CCDC80: variants seen among roughly 807,000 people sequenced by gnomAD.
CCDC80 encodes the protein coiled-coil domain-containing protein 80.
Under a neutral mutation model 78.7 loss-of-function variants are expected in CCDC80, and 49 were observed. The observed-to-expected ratio is 0.62, with a 90% CI of 0.50 to 0.79. The LOEUF (loss-of-function observed/expected upper bound fraction) is 0.79, where lower values mean the gene tolerates loss of function less well. Among genes scored for constraint, CCDC80 ranks in the 30% least tolerant of loss-of-function variants. CCDC80 has a pLI of 0.00. For synonymous variants in CCDC80, 488 were observed against 447.0 expected (o/e 1.09, Z -1.16); for missense variants, 1,205 against 1,198.6 (o/e 1.01, Z -0.08).
Position 112,638,119 on chromosome 3 carries a change from T to C in CCDC80, c.1787A>G (p.Tyr596Cys). 6.2e-7 allele frequency: 1 copy of C among 1,614,210 alleles called. No individual in the cohort carries two copies. Among genetic ancestry groups the C allele is most frequent in the Non-Finnish European group, 8.5e-7 (1 of 1,180,032 alleles). Residue 596 changes from tyrosine to cysteine, a missense_variant, in exon 2 of 8, where the codon TAT (tyrosine) becomes TGT (cysteine). By Grantham distance (194) the Tyr-to-Cys change is radical. Transcript: ENST00000206423. ...KKGGKTEQDG[Y>C]QKPTNKHFTQ... The stretch of plus-strand genomic sequence containing the variant: ...GAAGTGTTTGTTGGTGGGTTTCTGA[T>C]AGCCATCCTGTTCTGTTTTACCTCC...
Position 112,638,825 on chromosome 3 carries a change from C to T in CCDC80, c.1081G>A (p.Val361Met). 1 of 1,613,748 alleles carries T rather than the reference C, an allele frequency of 6.2e-7. No individual in the cohort carries two copies. The highest frequency in any genetic ancestry group is 8.5e-7 in the Non-Finnish European group (1 of 1,179,974). Residue 361 changes from valine (V) to methionine (M), a missense_variant, in exon 2 of 8, where the codon GTG becomes ATG. Val to Met is a conservative substitution (Grantham distance 21, BLOSUM62 1). Transcript: ENST00000206423. ...TTLPPAPATT[V>M]TRSTSRAVTV... ...ACCGCCCGGGACGTGGACCGAGTCA[C>T]TGTTGTGGCTGGGGCAGGAGGAAGG...
At chr3:112,619,128 G>C in intron 3 of CCDC80, 24 bp from the exon 4 acceptor site, 1 of 1,538,552 alleles carries the variant, frequency 6.5e-7, no homozygotes, top group Non-Finnish European at 8.7e-7. Flanking sequence ...AAATGTGAAT[G>C]AATATGGGTG....
chr3:112,605,796 G>A, intron 7 of CCDC80, 33 bp from the exon 8 acceptor site: 10 of 1,548,970 alleles, frequency 6.5e-6, no homozygotes, highest in Non-Finnish European at 8.8e-6. Context: ...ATTGTTAGTA[G>A]ATTAAACAGT....
chr3:112,614,584 G>A (rs1281585896), intron 5 of CCDC80, among the ~76,000 whole-genome samples: 1 of 151,776 alleles, frequency 6.6e-6, no homozygotes, highest in Admixed American at 6.6e-5. Context: ...CCCTACGGCT[G>A]AGTTGATTTT....
chr3:112,618,116 AG>A (rs1307731097), intron 4 of CCDC80, among the ~76,000 whole-genome samples: 44 of 152,228 alleles, frequency 2.9e-4, no homozygotes, highest in African/African-American at 1.1e-3. Context: ...GCCAGGCATA[AG>A]GAAAGCACTT....
intron 2 of CCDC80, among the ~76,000 whole-genome samples, chr3:112,634,744 C>T (rs1936171062): frequency 6.6e-6 from 1 of 152,080 alleles, no homozygotes; most frequent in Non-Finnish European, 1.5e-5. Flanking sequence ...AAGATCATTC[C>T]TCAGTTTCCC....
chr3:112,613,760 G>A (rs1406147384), intron 5 of CCDC80, among the ~76,000 whole-genome samples: 2 of 152,036 alleles, frequency 1.3e-5, no homozygotes, highest in African/African-American at 4.8e-5. Context: ...GGCAACCTGA[G>A]TTTACTGGGA....
chr3:112,617,452 A>G (rs1417769014), intron 4 of CCDC80, among the ~76,000 whole-genome samples: 1 of 152,212 alleles, frequency 6.6e-6, no homozygotes, highest in Admixed American at 6.5e-5. Flanking sequence ...CCTGAGATGG[A>G]TTTAGGGGCT....
rs1250541465 is a variant in CCDC80, at chr3:112,638,019, G to A, written c.1878+9C>T. 5.0e-6 allele frequency: 8 copies of A among 1,584,606 alleles called. No homozygotes were observed. The highest frequency in any genetic ancestry group is 6.8e-6 in the Non-Finnish European group (8 of 1,170,392). On this transcript the variant is annotated intron_variant, in intron 2 of 7. Coordinates refer to ENST00000206423, the MANE Select transcript of CCDC80 (RefSeq NM_199511.3). ...CCCATAGAAGAATGCCAAGGAGAAGGCTACTTACAAGGAGTCTTCGTTTGC... is the reference window on the plus strand; with the variant it reads ...CCCATAGAAGAATGCCAAGGAGAAGACTACTTACAAGGAGTCTTCGTTTGC...
intron 3 of CCDC80, among the ~76,000 whole-genome samples, chr3:112,619,875 A>G (rs16859847): frequency 0.68 from 102,688 of 152,096 alleles, 37,972 homozygotes; most frequent in Non-Finnish European, 0.83. Context: ...GCATTTTAAC[A>G]TTTTCAAGGA....
At chr3:112,635,896 C>G (rs1288205750) in intron 2 of CCDC80, among the ~76,000 whole-genome samples, 1 of 152,146 alleles carries the variant, frequency 6.6e-6, no homozygotes, top group Non-Finnish European at 1.5e-5. Context: ...ACATCTCCCA[C>G]TAAGGGAGTG....
chr3:112,621,085 TC>T (rs1348777390), intron 3 of CCDC80, among the ~76,000 whole-genome samples: 1 of 151,880 alleles, frequency 6.6e-6, no homozygotes, highest in Admixed American at 6.6e-5. Context: ...CACCAATTCT[TC>T]CCCCCTCCCT....
chr3:112,633,909 CT>C (rs1384284939), intron 2 of CCDC80, among the ~76,000 whole-genome samples: 2 of 152,226 alleles, frequency 1.3e-5, no homozygotes, highest in African/African-American at 4.8e-5. Context: ...CACTTGGCCT[CT>C]TTCCAGTTTG....
chr3:112,617,058 C>T (rs1329839503), intron 4 of CCDC80, among the ~76,000 whole-genome samples, 200 bp from the exon 5 acceptor site: 1 of 152,188 alleles, frequency 6.6e-6, no homozygotes, highest in Non-Finnish European at 1.5e-5. Flanking sequence ...CATAAAACAA[C>T]TGCCTCTTTT....
chr3:112,637,973 CG>C, intron 2 of CCDC80, 54 bp downstream of exon 2: 2 of 1,542,344 alleles, frequency 1.3e-6, no homozygotes, highest in South Asian at 2.6e-5. Flanking sequence ...ACAAGACAGA[CG>C]TTAACATGCC....
chr3:112,640,186 T>G (rs1229801116), intron 1 of CCDC80, 141 bp downstream of exon 1: 1 of 438,688 alleles, frequency 2.3e-6, no homozygotes, highest in Non-Finnish European at 4.0e-6. Context: ...ATGCTTGTAC[T>G]GTTTCAACTA....
chr3:112,628,263 G>A (rs539343866), intron 3 of CCDC80, among the ~76,000 whole-genome samples: 1 of 152,220 alleles, frequency 6.6e-6, no homozygotes, highest in Admixed American at 6.5e-5. Flanking sequence ...CAATAAATAC[G>A]TGGCTTTGTA....
At chr3:112,610,595 G>C (rs959073693) in intron 5 of CCDC80, among the ~76,000 whole-genome samples, 1 of 152,162 alleles carries the variant, frequency 6.6e-6, no homozygotes, top group Non-Finnish European at 1.5e-5. Flanking sequence ...TGGTTTAAAG[G>C]TTCAAAGAGG....
chr3:112,639,828 A>G lies in CCDC80; in HGVS notation c.78T>C (p.His26=), dbSNP rs1278717761. The G allele has an allele frequency of 6.2e-7, 1 of 1,614,118 alleles. No homozygotes were observed. Among genetic ancestry groups the G allele is most frequent in the Non-Finnish European group, 8.5e-7 (1 of 1,180,020 alleles). Residue 26 remains histidine, a synonymous_variant, in exon 2 of 8, where the codon CAT becomes CAC. Coordinates refer to ENST00000206423, the MANE Select transcript of CCDC80 (RefSeq NM_199511.3). The stretch of plus-strand genomic sequence containing the variant: ...CTCCGTGGCTGCCTCTAATAGTGGC[A>G]TGGGGGTGGGGTTCTGATCCACACA... ...WLVCGSEPHP[H]ATIRGSHGGR...
Sources: gnomAD v4.1 joint callset for allele counts (sites outside exome capture counted in the v4.1 genomes callset) on GRCh38, gnomAD v4.1.1 for gene constraint, MANE v1.5 for transcripts, NCBI Gene and HGNC (gene_info 2026-07-23, HGNC 2026-07-21) for gene names.